TBCK: variants seen among roughly 807,000 people sequenced by gnomAD.
TBCK encodes the protein TBC1 domain containing kinase, also known as TBC domain-containing protein kinase-like protein.
A neutral mutation model predicts 113.4 loss-of-function variants in TBCK; 99 were observed. The observed-to-expected ratio is 0.87, with a 90% CI of 0.74 to 1.03. The LOEUF (loss-of-function observed/expected upper bound fraction) is 1.03. Ranked by LOEUF, TBCK falls within the 50% of genes least tolerant of loss-of-function variation. The probability of loss-of-function intolerance (pLI) is 0.00; values close to 1 mark genes in which losing one functional copy is unlikely to be tolerated. For missense variants in TBCK, 1,045 were observed against 1,061.3 expected (o/e 0.98, Z 0.21); for synonymous variants, 369 against 370.8 (o/e 1.00, Z 0.05).
intron 23 of TBCK, among the ~76,000 whole-genome samples, chr4:106,165,684 G>A (rs1750287091): frequency 6.6e-6 from 1 of 151,696 alleles, no homozygotes; most frequent in Admixed American, 6.6e-5. Flanking sequence ...CTTTTGGAGT[G>A]CTTATTATGT....
At chr4:106,134,039 A>C (rs955259538) in intron 23 of TBCK, among the ~76,000 whole-genome samples, 1 of 151,924 alleles carries the variant, frequency 6.6e-6, no homozygotes, top group Non-Finnish European at 1.5e-5. Flanking sequence ...AAAAAAAAAC[A>C]AAACAAAAAG....
chr4:106,177,770 AG>A (rs1751862405), intron 22 of TBCK, among the ~76,000 whole-genome samples: 1 of 151,754 alleles, frequency 6.6e-6, no homozygotes, highest in African/African-American at 2.4e-5. Context: ...TGAGGCCTCT[AG>A]TTTTCTTCCC....
At chr4:106,167,864 G>A (rs1307782172) in intron 23 of TBCK, among the ~76,000 whole-genome samples, 1 of 151,668 alleles carries the variant, frequency 6.6e-6, no homozygotes, top group African/African-American at 2.4e-5. Flanking sequence ...CAATAATTAA[G>A]AACATTTCCA....
intron 5 of TBCK, 40 bp from the exon 6 acceptor site, chr4:106,252,047 G>A: frequency 6.6e-7 from 1 of 1,516,066 alleles, no homozygotes; most frequent in Non-Finnish European, 9.0e-7. Context: ...TTACAACAGG[G>A]AAAGAAGCGA....
chr4:106,135,830 A>G (rs1306315687), intron 23 of TBCK, among the ~76,000 whole-genome samples: 1 of 141,756 alleles, frequency 7.1e-6, no homozygotes, highest in Non-Finnish European at 1.6e-5. Context: ...TTGACCATCC[A>G]TCCTGAGAAT....
chr4:106,217,167 A>G (rs1292499158), intron 19 of TBCK, among the ~76,000 whole-genome samples: 2 of 151,826 alleles, frequency 1.3e-5, no homozygotes, highest in Non-Finnish European at 2.9e-5. Context: ...AAATTCAACA[A>G]CCCTTCATGC....
intron 23 of TBCK, among the ~76,000 whole-genome samples, chr4:106,154,653 A>T (rs1366397183): frequency 2.6e-5 from 4 of 152,110 alleles, no homozygotes; most frequent in African/African-American, 9.7e-5. Context: ...TCTGCCACGT[A>T]AGATGCCTGC....
At position 106,043,932 on chromosome 4, in the gene TBCK, T is replaced by C. The variant is rs1277354564; in HGVS notation, c.*2638A>G. ...TTGTTGAGGTCAACTGTTCGTATCA[T>C]CCACCATGAAATAACATGCCCTGTG... On this transcript the variant is annotated 3_prime_UTR_variant, in exon 26 of 26. Transcript: ENST00000394708. 1 of 152,190 alleles carries C rather than the reference T, an allele frequency of 6.6e-6. No homozygotes were observed. Among genetic ancestry groups the C allele is most frequent in the Non-Finnish European group, 1.5e-5 (1 of 68,030 alleles). 9.4% of individuals were successfully genotyped at this position (152,190 alleles called of 1,614,324 possible).
intron 3 of TBCK, among the ~76,000 whole-genome samples, chr4:106,264,792 A>G (rs1471177052): frequency 6.6e-6 from 1 of 151,960 alleles, no homozygotes; most frequent in East Asian, 1.9e-4. Context: ...TTTTTTGTTT[A>G]GCTATAAGAC....
At chr4:106,242,367 A>G (rs1760241360) in intron 12 of TBCK, 103 bp downstream of exon 12, 1 of 688,312 alleles carries the variant, frequency 1.5e-6, no homozygotes. Context: ...AAGCTCTCCC[A>G]TATTTTGTGA....
At chr4:106,093,509 C>T (rs1740556145) in intron 25 of TBCK, among the ~76,000 whole-genome samples, 1 of 152,058 alleles carries the variant, frequency 6.6e-6, no homozygotes, top group Admixed American at 6.5e-5. Context: ...TCGTCTCAAA[C>T]AAACAAACAA....
chr4:106,300,492 GTTA>G (rs1651207737), intron 2 of TBCK, among the ~76,000 whole-genome samples: 1 of 152,112 alleles, frequency 6.6e-6, no homozygotes, highest in African/African-American at 2.4e-5. Context: ...CATCACTTTT[GTTA>G]TTAACAGTAA....
chr4:106,119,620 A>G (rs1412395212), intron 23 of TBCK, among the ~76,000 whole-genome samples: 2 of 152,184 alleles, frequency 1.3e-5, no homozygotes. Context: ...TTGTTTGGAT[A>G]AGACCTCAAA....
chr4:106,092,003 T>C (rs2149511048), intron 25 of TBCK, among the ~76,000 whole-genome samples: 1 of 152,328 alleles, frequency 6.6e-6, no homozygotes, highest in Admixed American at 6.5e-5. Context: ...ATTAGCTAGA[T>C]ACAGAGTGCT....
chr4:106,120,812 C>G (rs1744244130), intron 23 of TBCK, among the ~76,000 whole-genome samples: 1 of 152,164 alleles, frequency 6.6e-6, no homozygotes, highest in Non-Finnish European at 1.5e-5. Context: ...AAAAACCCAT[C>G]TGTACATCAC....
intron 20 of TBCK, 24 bp from the exon 21 acceptor site, chr4:106,194,778 G>A (rs745338283): frequency 5.8e-6 from 9 of 1,555,140 alleles, no homozygotes; most frequent in Non-Finnish European, 7.8e-6. Flanking sequence ...AAGGGGTACA[G>A]GGAATGGATA....
intron 11 of TBCK, 135 bp downstream of exon 11, chr4:106,244,491 G>A (rs987489631): frequency 3.0e-6 from 2 of 674,550 alleles, no homozygotes; most frequent in Non-Finnish European, 4.5e-6. Flanking sequence ...TCACTTAGCT[G>A]GGATGCCTAC....
intron 25 of TBCK, among the ~76,000 whole-genome samples, chr4:106,077,842 A>G (rs936654335): frequency 5.9e-5 from 9 of 152,202 alleles, no homozygotes. Context: ...ATCCAACAAC[A>G]GAATACATAT....
intron 25 of TBCK, among the ~76,000 whole-genome samples, chr4:106,069,398 G>A (rs4565078): frequency 2.6e-5 from 4 of 152,278 alleles, no homozygotes; most frequent in South Asian, 4.2e-4. Context: ...TTATTAAATA[G>A]GGAATCCTTT....
Sources: allele counts gnomAD v4.1 joint callset (sites outside exome capture counted in the v4.1 genomes callset), GRCh38; gene constraint gnomAD v4.1.1; transcripts MANE v1.5; gene names NCBI Gene and HGNC (gene_info 2026-07-23, HGNC 2026-07-21).